The following SGCD variants were observed in gnomAD, a reference collection of about 807,000 sequenced individuals.
The protein encoded by SGCD is sarcoglycan delta.
SGCD carries 18 observed loss-of-function variants against 36.6 expected under a neutral mutation model. The observed-to-expected ratio is 0.49, with a 90% CI of 0.34 to 0.73. The LOEUF (loss-of-function observed/expected upper bound fraction) is 0.73, where lower values mean the gene tolerates loss of function less well. Among genes scored for constraint, SGCD ranks in the 30% least tolerant of loss-of-function variants. The pLI is 0.01. For synonymous variants in SGCD, 133 were observed against 130.6 expected (o/e 1.02, Z -0.12); for missense variants, 387 against 346.7 (o/e 1.12, Z -0.92).
chr5:156,630,650 A>G (rs1223366194), intron 6 of SGCD, among the ~76,000 whole-genome samples: 2 of 152,198 alleles, frequency 1.3e-5, no homozygotes, highest in Non-Finnish European at 2.9e-5. Flanking sequence ...CCTTCTATTA[A>G]TAGATATTTA....
intron 6 of SGCD, among the ~76,000 whole-genome samples, chr5:156,640,529 T>C (rs1288031104): frequency 6.8e-6 from 1 of 147,632 alleles, no homozygotes; most frequent in East Asian, 1.9e-4. Flanking sequence ...TTACTGAACA[T>C]TGCCTCAGCA....
At chr5:156,157,262 T>C (rs1762984501) in intron 3 of SGCD, among the ~76,000 whole-genome samples, 1 of 151,802 alleles carries the variant, frequency 6.6e-6, no homozygotes, top group Non-Finnish European at 1.5e-5. Flanking sequence ...CTTTCTTATA[T>C]ATTATCTCAT....
intron 3 of SGCD, among the ~76,000 whole-genome samples, chr5:156,359,356 A>G (rs77552770): frequency 0.039 from 5,877 of 152,290 alleles, 333 homozygotes; most frequent in African/African-American, 0.13. Flanking sequence ...TAATAGGATA[A>G]CATGTATTAA....
intron 7 of SGCD, among the ~76,000 whole-genome samples, chr5:156,703,384 T>A (rs547152989): frequency 1.4e-5 from 2 of 145,320 alleles, no homozygotes; most frequent in East Asian, 4.3e-4. Flanking sequence ...ATTTATTTCT[T>A]TTTTTTTTTT....
chr5:156,674,302 A>T (rs1753422128), intron 7 of SGCD, among the ~76,000 whole-genome samples: 1 of 152,210 alleles, frequency 6.6e-6, no homozygotes. Context: ...TCCCCGTTAC[A>T]TATAATCCCA....
At chr5:156,545,652 T>C (rs1444528872) in intron 4 of SGCD, among the ~76,000 whole-genome samples, 1 of 151,956 alleles carries the variant, frequency 6.6e-6, no homozygotes, top group East Asian at 1.9e-4. Flanking sequence ...TGACAGGAGG[T>C]AGAGCTCAGG....
rs570533639 is a variant in SGCD at position 156,117,147 on chromosome 5, A to C, written c.-281-731A>C. On this transcript the variant is annotated intron_variant, in intron 1 of 9. Transcript: ENST00000517913. ...CCTATACAATGGCTCTGTAGTACAT[A>C]CTTGCTCTGTGCCTCTAAGAAATGG... 3.9e-5 allele frequency among the ~76,000 whole-genome samples: 6 copies of C among 152,170 alleles called. No individual in the cohort carries two copies. In the East Asian group the frequency reaches 9.7e-4, roughly 25 times the overall value.
chr5:156,729,525 A>C (rs938039947), intron 7 of SGCD, among the ~76,000 whole-genome samples: 1 of 152,244 alleles, frequency 6.6e-6, no homozygotes, highest in Admixed American at 6.5e-5. Context: ...GGGATGATAC[A>C]CATAAAGGAT....
the SGCD span, among the ~76,000 whole-genome samples, chr5:155,781,671 A>G: frequency 3.3e-5 from 5 of 151,954 alleles, no homozygotes; most frequent in African/African-American, 4.8e-5. Context: ...GGGTTTTGCT[A>G]TGTTGCCCAG....
the SGCD span, among the ~76,000 whole-genome samples, chr5:155,782,491 G>T: frequency 6.6e-6 from 1 of 152,104 alleles, no homozygotes; most frequent in East Asian, 1.9e-4. Flanking sequence ...AAGAAATACA[G>T]ACTAGTTCAT....
the SGCD span, among the ~76,000 whole-genome samples, chr5:155,794,192 C>G: frequency 6.6e-6 from 1 of 152,092 alleles, no homozygotes. Context: ...AGATCAGTCT[C>G]TGGTAATCAC....
intron 3 of SGCD, among the ~76,000 whole-genome samples, chr5:156,449,334 C>T (rs558628277): frequency 1.3e-5 from 2 of 152,138 alleles, no homozygotes; most frequent in African/African-American, 4.8e-5. Context: ...GCACACTAGA[C>T]CATAAGTTTT....
chr5:156,679,389 C>A (rs1292853437), intron 7 of SGCD, among the ~76,000 whole-genome samples: 3 of 152,138 alleles, frequency 2.0e-5, no homozygotes, highest in South Asian at 4.1e-4. Flanking sequence ...TTTGGTAGAA[C>A]AAGACACTGC....
Position 155,877,335 on chromosome 5 carries a change from A to G in SGCD, c.-282+6911A>G, listed in dbSNP as rs1030632409. Among the ~76,000 whole-genome samples, 8 of 152,144 alleles carry G rather than the reference A, an allele frequency of 5.3e-5. No individual in the cohort carries two copies. In the South Asian group the frequency reaches 1.7e-3, roughly 31 times the overall value. On this transcript the variant is annotated intron_variant, in intron 1 of 9. Coordinates refer to the SGCD transcript ENST00000517913. The stretch of plus-strand genomic sequence containing the variant: ...AAGTTACTCATGGCCAACTTAAATG[A>G]GTGTGAAGAATACTTGTCTAGCAAT...
At chr5:155,782,164 A>G in the SGCD span, among the ~76,000 whole-genome samples, 1 of 151,752 alleles carries the variant, frequency 6.6e-6, no homozygotes, top group East Asian at 2.0e-4. Context: ...AGCTGGGATT[A>G]GAGGCACCCA....
intron 1 of SGCD, among the ~76,000 whole-genome samples, chr5:156,048,401 GACTTCCACAATGGTTGAACTAGTTT>G (rs1422972864): frequency 7.2e-5 from 11 of 152,294 alleles, no homozygotes; most frequent in Non-Finnish European, 1.3e-4. Flanking sequence ...TCGCCACACT[GACTTCCACAATGGTTGAACTAGTTT>G]ACAGTCCCAC....
intron 3 of SGCD, among the ~76,000 whole-genome samples, chr5:156,262,815 C>G (rs1434731793): frequency 6.6e-6 from 1 of 152,066 alleles, no homozygotes; most frequent in East Asian, 1.9e-4. Context: ...AGTTACTTCA[C>G]TTAGAATAAT....
intron 7 of SGCD, among the ~76,000 whole-genome samples, chr5:156,741,698 G>T (rs187802294): frequency 6.6e-6 from 1 of 152,082 alleles, no homozygotes; most frequent in Non-Finnish European, 1.5e-5. Context: ...GCTTTGCCTC[G>T]TGTCTAACTA....
chr5:156,179,677 A>G (rs549988434), intron 3 of SGCD, among the ~76,000 whole-genome samples: 1 of 145,340 alleles, frequency 6.9e-6, no homozygotes, highest in Non-Finnish European at 1.5e-5. Flanking sequence ...GCTGGAGTGC[A>G]CTGGCGTGAT....
Sources: allele counts gnomAD v4.1 joint callset (sites outside exome capture counted in the v4.1 genomes callset), GRCh38; gene constraint gnomAD v4.1.1; transcripts MANE v1.5; gene names NCBI Gene and HGNC (gene_info 2026-07-23, HGNC 2026-07-21).